Variants in SEMA3A observed in about 807,000 individuals in gnomAD.
The protein encoded by SEMA3A is semaphorin-3A.
Under a neutral mutation model 97.9 loss-of-function variants are expected in SEMA3A, and 29 were observed. That is an observed-to-expected ratio of 0.30 (90% CI 0.22 to 0.40). The LOEUF is 0.40. SEMA3A is among the 10% of genes least tolerant of loss of function. The pLI is 1.00. For missense variants in SEMA3A, 763 were observed against 951.3 expected, an observed-to-expected ratio of 0.80 and a Z score of 2.60; for synonymous variants, 321 against 323.7, an observed-to-expected ratio of 0.99 and a Z score of 0.09.
At chr7:84,096,303 G>A (rs1794770522) in intron 4 of SEMA3A, among the ~76,000 whole-genome samples, 1 of 151,980 alleles carries the variant, frequency 6.6e-6, no homozygotes, top group African/African-American at 2.4e-5. Flanking sequence ...TAAAGTGAAG[G>A]ATAGGAACTA....
chr7:84,257,103 A>C lies in SEMA3A; in HGVS notation c.-83+50104T>G, dbSNP rs77617038. ...TGTCTCCACAATGTTCCATGAATCA[A>C]ATGGTAACAAGGGAATATTATTTTC... On this transcript the variant is annotated intron_variant, in intron 3 of 3. Coordinates refer to the SEMA3A transcript ENST00000424555. Among the ~76,000 whole-genome samples the C allele has an allele frequency of 0.013, 1,942 of 152,174 alleles. 63 individuals carry two copies. In the East Asian group the frequency reaches 0.14, roughly 11 times the overall value.
intron 3 of SEMA3A, among the ~76,000 whole-genome samples, chr7:84,113,810 A>C (rs1795344998): frequency 6.6e-6 from 1 of 152,166 alleles, no homozygotes; most frequent in African/African-American, 2.4e-5. Context: ...TAGAAATAAA[A>C]GTAAGGGCAG....
At chr7:84,348,449 G>T (rs1484853965) in intron 2 of SEMA3A, among the ~76,000 whole-genome samples, 1 of 151,988 alleles carries the variant, frequency 6.6e-6, no homozygotes, top group Non-Finnish European at 1.5e-5. Flanking sequence ...ATTTCTGAAG[G>T]TATGTTCTAA....
At chr7:84,003,272 T>TAAAG (rs938822297) in intron 11 of SEMA3A, among the ~76,000 whole-genome samples, 1 of 152,066 alleles carries the variant, frequency 6.6e-6, no homozygotes, top group Non-Finnish European at 1.5e-5. Flanking sequence ...CTCATAACAC[T>TAAAG]AAAGATTAAA....
chr7:84,117,694 CT>C (rs1795476743), intron 3 of SEMA3A, among the ~76,000 whole-genome samples: 1 of 152,166 alleles, frequency 6.6e-6, no homozygotes, highest in Non-Finnish European at 1.5e-5. Context: ...AAACCATCCC[CT>C]TTTTGGCCTG....
intron 1 of SEMA3A, among the ~76,000 whole-genome samples, chr7:84,184,366 G>A (rs547457233): frequency 1.3e-5 from 2 of 152,256 alleles, no homozygotes; most frequent in East Asian, 3.9e-4. Flanking sequence ...TATTGAACAC[G>A]GGGATCATGT....
intron 1 of SEMA3A, among the ~76,000 whole-genome samples, chr7:84,414,421 A>C (rs1004209333): frequency 4.5e-4 from 68 of 151,722 alleles, no homozygotes; most frequent in African/African-American, 1.6e-3. Flanking sequence ...CAGTATTGTT[A>C]TGTAGCCTCA....
At chr7:84,171,402 C>A (rs986982678) in intron 1 of SEMA3A, among the ~76,000 whole-genome samples, 27 of 152,176 alleles carry the variant, frequency 1.8e-4, no homozygotes, top group Admixed American at 1.5e-3. Flanking sequence ...GAGGGACTTA[C>A]AACACTTAGA....
At chr7:84,188,457 TTAAGA>T (rs1797949002) in intron 1 of SEMA3A, among the ~76,000 whole-genome samples, 1 of 151,978 alleles carries the variant, frequency 6.6e-6, no homozygotes, top group Non-Finnish European at 1.5e-5. Flanking sequence ...ATATGCTTAA[TTAAGA>T]TAACAGTGTT....
At chr7:84,051,318 G>A (rs1414363710) in intron 5 of SEMA3A, among the ~76,000 whole-genome samples, 9 of 152,096 alleles carry the variant, frequency 5.9e-5, no homozygotes, top group South Asian at 2.1e-4. Flanking sequence ...CCATTTTCAC[G>A]ATATTGATTC....
chr7:83,982,714 C>G (rs17158437), intron 13 of SEMA3A, among the ~76,000 whole-genome samples: 15,711 of 151,994 alleles, frequency 0.1, 1,183 homozygotes, highest in African/African-American at 0.2. Context: ...TTTTTTAATA[C>G]TACACATTTT....
At chr7:83,969,369 T>G (rs899965394) in intron 15 of SEMA3A, among the ~76,000 whole-genome samples, 5 of 152,130 alleles carry the variant, frequency 3.3e-5, no homozygotes, top group Non-Finnish European at 7.4e-5. Flanking sequence ...AAAAAATCTC[T>G]TTTTAGTTAT....
At chr7:84,487,336 A>G (rs1806600978) in intron 1 of SEMA3A, among the ~76,000 whole-genome samples, 1 of 152,054 alleles carries the variant, frequency 6.6e-6, no homozygotes, top group South Asian at 2.1e-4. Context: ...CTGGGACTTC[A>G]GGTTGTTTGA....
intron 4 of SEMA3A, among the ~76,000 whole-genome samples, chr7:84,062,731 T>TCACG (rs1370592510): frequency 1.3e-5 from 2 of 152,082 alleles, no homozygotes; most frequent in South Asian, 4.1e-4. Flanking sequence ...AAACGGCGCA[T>TCACG]CACGAGATTA....
At chr7:84,256,925 A>T (rs962109198) in intron 3 of SEMA3A, among the ~76,000 whole-genome samples, 1 of 152,000 alleles carries the variant, frequency 6.6e-6, no homozygotes, top group African/African-American at 2.4e-5. Context: ...TGCTGGAGAA[A>T]CCAGAATCCA....
At chr7:83,962,289 GCTTA>G (rs1463616962) in intron 16 of SEMA3A, among the ~76,000 whole-genome samples, 2 of 151,988 alleles carry the variant, frequency 1.3e-5, no homozygotes, top group African/African-American at 4.8e-5. Flanking sequence ...AACATTTCAT[GCTTA>G]CTAATTATTT....
chr7:84,174,854 A>G (rs1452022895), intron 1 of SEMA3A, among the ~76,000 whole-genome samples: 1 of 152,212 alleles, frequency 6.6e-6, no homozygotes, highest in Non-Finnish European at 1.5e-5. Flanking sequence ...TTAAGTGAGG[A>G]AAAGAAAAAA....
At chr7:84,210,569 C>T (rs1172587792) in intron 3 of SEMA3A, among the ~76,000 whole-genome samples, 1 of 152,118 alleles carries the variant, frequency 6.6e-6, no homozygotes, top group East Asian at 1.9e-4. Flanking sequence ...ATGCTTGTAA[C>T]TGTAATGTAG....
intron 2 of SEMA3A, among the ~76,000 whole-genome samples, chr7:84,364,955 T>A (rs1054318577): frequency 6.6e-6 from 1 of 151,712 alleles, no homozygotes; most frequent in Non-Finnish European, 1.5e-5. Context: ...GGTACAATTC[T>A]TGATCAAAGC....
Sources: gnomAD v4.1 joint callset for allele counts (sites outside exome capture counted in the v4.1 genomes callset) on GRCh38, gnomAD v4.1.1 for gene constraint, MANE v1.5 for transcripts, NCBI Gene and HGNC (gene_info 2026-07-23, HGNC 2026-07-21) for gene names.